PARD3: variants seen among roughly 807,000 people sequenced by gnomAD.
PARD3 encodes the protein partitioning defective 3 homolog.
Under a neutral mutation model 155.4 loss-of-function variants are expected in PARD3, and 75 were observed. That is an observed-to-expected ratio of 0.48 (90% CI 0.40 to 0.58). The LOEUF (loss-of-function observed/expected upper bound fraction) is 0.58. PARD3 is among the 20% of genes least tolerant of loss of function. The pLI is 0.00. For missense variants in PARD3, 1,642 were observed against 1,721.7 expected, an observed-to-expected ratio of 0.95 and a Z score of 0.82; for synonymous variants, 576 against 610.5, an observed-to-expected ratio of 0.94 and a Z score of 0.83.
chr10:34,185,540 T>C (rs900462926), intron 22 of PARD3, among the ~76,000 whole-genome samples: 1 of 152,214 alleles, frequency 6.6e-6, no homozygotes, highest in Non-Finnish European at 1.5e-5. Context: ...TTTTCTTTTT[T>C]CTGTTCATGG....
chr10:34,440,627 T>C (rs1032368632), intron 5 of PARD3, among the ~76,000 whole-genome samples: 4 of 152,174 alleles, frequency 2.6e-5, no homozygotes, highest in Non-Finnish European at 5.9e-5. Flanking sequence ...CAAAGATTTT[T>C]CACTCAGTAA....
intron 2 of PARD3, among the ~76,000 whole-genome samples, chr10:34,547,799 G>C (rs954566604): frequency 1.3e-5 from 2 of 152,184 alleles, no homozygotes; most frequent in African/African-American, 4.8e-5. Context: ...CAATGATGAT[G>C]CTTAAAAAAT....
intron 2 of PARD3, among the ~76,000 whole-genome samples, chr10:34,596,465 C>T (rs1168678054): frequency 6.6e-6 from 1 of 152,126 alleles, no homozygotes; most frequent in Non-Finnish European, 1.5e-5. Flanking sequence ...CGGAAGGCAC[C>T]TCTTCACAAG....
At chr10:34,759,796 A>G (rs765889041) in intron 1 of PARD3, among the ~76,000 whole-genome samples, 1 of 152,244 alleles carries the variant, frequency 6.6e-6, no homozygotes, top group Non-Finnish European at 1.5e-5. Flanking sequence ...GCATTTCACA[A>G]GTCACTTTAT....
At chr10:34,769,830 C>T (rs1331644195) in intron 1 of PARD3, among the ~76,000 whole-genome samples, 1 of 149,438 alleles carries the variant, frequency 6.7e-6, no homozygotes, top group African/African-American at 2.5e-5. Context: ...AAAACCATAC[C>T]TAGTGTTCTT....
At chr10:34,688,236 T>C (rs1323920247) in intron 2 of PARD3, among the ~76,000 whole-genome samples, 2 of 152,168 alleles carry the variant, frequency 1.3e-5, no homozygotes, top group African/African-American at 2.4e-5. Flanking sequence ...TTTTATTCTG[T>C]GATAAATTTG....
intron 1 of PARD3, among the ~76,000 whole-genome samples, chr10:34,707,710 CAT>C (rs368227580): frequency 2.0e-5 from 3 of 152,320 alleles, no homozygotes; most frequent in African/African-American, 7.2e-5. Flanking sequence ...CACACACACA[CAT>C]ATTTGTCTCC....
At chr10:34,696,940 G>A (rs144288945) in intron 1 of PARD3, among the ~76,000 whole-genome samples, 13 of 151,684 alleles carry the variant, frequency 8.6e-5, no homozygotes, top group African/African-American at 1.9e-4. Flanking sequence ...TGACAAGACC[G>A]TAGTGAACAA....
intron 22 of PARD3, among the ~76,000 whole-genome samples, chr10:34,263,703 T>C (rs1022035767): frequency 1.3e-5 from 2 of 152,144 alleles, no homozygotes; most frequent in African/African-American, 4.8e-5. Flanking sequence ...GGCTCCATAG[T>C]TCATTCTCTT....
At chr10:34,362,457 A>C (rs1839540774) in intron 12 of PARD3, among the ~76,000 whole-genome samples, 1 of 152,172 alleles carries the variant, frequency 6.6e-6, no homozygotes, top group South Asian at 2.1e-4. Context: ...AATATTCAAT[A>C]TACTTTTTAT....
intron 2 of PARD3, among the ~76,000 whole-genome samples, chr10:34,610,393 A>G (rs910264692): frequency 1.8e-4 from 27 of 152,222 alleles, no homozygotes; most frequent in African/African-American, 5.8e-4. Context: ...AAAAAATTTA[A>G]AAATGCCAGT....
At chr10:34,133,987 T>C (rs187291319) in intron 22 of PARD3, among the ~76,000 whole-genome samples, 300 of 152,338 alleles carry the variant, frequency 2.0e-3, no homozygotes, top group Non-Finnish European at 3.5e-3. Context: ...TCTGAACTGA[T>C]TGGCCTGGAA....
intron 14 of PARD3, among the ~76,000 whole-genome samples, chr10:34,356,832 G>C (rs1838934093): frequency 6.6e-6 from 1 of 152,110 alleles, no homozygotes; most frequent in Non-Finnish European, 1.5e-5. Flanking sequence ...CAGTACAAAA[G>C]GGTTCTTGCT....
intron 22 of PARD3, among the ~76,000 whole-genome samples, chr10:34,235,825 T>C (rs961896506): frequency 6.6e-6 from 1 of 152,234 alleles, no homozygotes; most frequent in Non-Finnish European, 1.5e-5. Context: ...TTTGATTTGT[T>C]CTCAGAAAAT....
At chr10:34,445,795 A>T (rs1223450493) in intron 5 of PARD3, among the ~76,000 whole-genome samples, 1 of 152,186 alleles carries the variant, frequency 6.6e-6, no homozygotes, top group African/African-American at 2.4e-5. Context: ...TTTAAAAAAA[A>T]AAAAAGTCCT....
chr10:34,632,089 T>A (rs1326378650), intron 2 of PARD3, among the ~76,000 whole-genome samples: 1 of 152,126 alleles, frequency 6.6e-6, no homozygotes, highest in Non-Finnish European at 1.5e-5. Context: ...CGAAATTCCA[T>A]CTCTACTAAA....
chr10:34,334,931 T>A (rs1338217520), intron 18 of PARD3, among the ~76,000 whole-genome samples: 6 of 151,924 alleles, frequency 3.9e-5, no homozygotes, highest in African/African-American at 1.2e-4. Flanking sequence ...GTGAGTTGGT[T>A]AAATTAAGTA....
Position 34,775,295 on chromosome 10 carries a change from A to T in PARD3, c.120+39581T>A, listed in dbSNP as rs552758487. On this transcript the variant is annotated intron_variant, in intron 1 of 24. Transcript: ENST00000374788. ...CAGTTTCGGAGGCTGAAGCAGGAGG[A>T]TCGCTTGAGGTCAGGAGTTGAGACC... is the stretch of plus-strand genomic sequence containing the variant. Among the ~76,000 whole-genome samples the T allele has an allele frequency of 2.0e-5, 3 of 152,252 alleles. No individual in the cohort carries two copies. In the South Asian group the frequency reaches 6.2e-4, roughly 32 times the overall value.
intron 2 of PARD3, among the ~76,000 whole-genome samples, chr10:34,527,453 A>G (rs893313069): frequency 1.1e-4 from 17 of 152,358 alleles, no homozygotes; most frequent in African/African-American, 4.1e-4. Context: ...CTTTAAAGGA[A>G]GAAAGGAATT....
Sources: allele counts gnomAD v4.1 joint callset (sites outside exome capture counted in the v4.1 genomes callset), GRCh38; gene constraint gnomAD v4.1.1; transcripts MANE v1.5; gene names NCBI Gene and HGNC (gene_info 2026-07-23, HGNC 2026-07-21).